Variants in OR51B5 observed in about 807,000 individuals in gnomAD.
OR51B5 encodes the protein olfactory receptor family 51 subfamily B member 5.
For synonymous variants in OR51B5, 186 were observed against 144.8 expected, an observed-to-expected ratio of 1.28 and a Z score of -2.04; for missense variants, 456 against 374.6, an observed-to-expected ratio of 1.22 and a Z score of -1.79.
chr11:5,359,416 C>T (rs1340453622), intron 1 of OR51B5, among the ~76,000 whole-genome samples: 1 of 130,366 alleles, frequency 7.7e-6, no homozygotes, highest in South Asian at 2.5e-4. Context: ...GAATAAAATA[C>T]CTAGGAATCC....
At chr11:5,479,369 C>A (rs903446078) in intron 1 of OR51B5, among the ~76,000 whole-genome samples, 1 of 151,454 alleles carries the variant, frequency 6.6e-6, no homozygotes, top group Non-Finnish European at 1.5e-5. Context: ...AAGCACTAAA[C>A]ATGGAAAGGA....
At chr11:5,363,745 G>A (rs1308449481) in intron 1 of OR51B5, among the ~76,000 whole-genome samples, 5 of 152,122 alleles carry the variant, frequency 3.3e-5, no homozygotes, top group South Asian at 2.1e-4. Flanking sequence ...ATTGGAAAGC[G>A]GGAAAGTAGC....
intron 1 of OR51B5, among the ~76,000 whole-genome samples, chr11:5,352,906 T>C (rs1405514404): frequency 1.3e-5 from 2 of 148,294 alleles, no homozygotes; most frequent in Admixed American, 6.8e-5. Context: ...ATAATATATA[T>C]ATATGAACCA....
chr11:5,369,893 T>C (rs1400944519), intron 1 of OR51B5, among the ~76,000 whole-genome samples: 1 of 152,288 alleles, frequency 6.6e-6, no homozygotes, highest in East Asian at 1.9e-4. Context: ...GATGACCTCA[T>C]TGGTTTTGCT....
chr11:5,482,191 A>T (rs1307515661), intron 1 of OR51B5, among the ~76,000 whole-genome samples: 2 of 101,282 alleles, frequency 2.0e-5, no homozygotes, highest in Non-Finnish European at 3.8e-5. Flanking sequence ...GAGCCCTCAG[A>T]AATAATGCCG....
intron 1 of OR51B5, among the ~76,000 whole-genome samples, chr11:5,491,868 C>T (rs1055275812): frequency 3.3e-5 from 5 of 152,160 alleles, no homozygotes; most frequent in Non-Finnish European, 7.4e-5. Context: ...ATGTCACCAG[C>T]CCTAGAGCAT....
intron 1 of OR51B5, chr11:5,362,977 A>AAG (rs1315447766): frequency 6.5e-6 from 1 of 154,882 alleles, no homozygotes; most frequent in Non-Finnish European, 1.4e-5. Context: ...TTAAAAAAAA[A>AAG]AAAGAAATAA....
chr11:5,477,656 CACCGTGCGCGA>C, intron 1 of OR51B5, among the ~76,000 whole-genome samples: 1 of 152,174 alleles, frequency 6.6e-6, no homozygotes, highest in Middle Eastern at 3.4e-3. Context: ...TGGGTGCGCG[CACCGTGCGCGA>C]GCCGAAGCAG....
At chr11:5,451,308 C>G (rs1384642180) in intron 1 of OR51B5, among the ~76,000 whole-genome samples, 1 of 152,224 alleles carries the variant, frequency 6.6e-6, no homozygotes, top group Admixed American at 6.5e-5. Context: ...CAAAATCCTG[C>G]TTTCAGCCTG....
rs1409457461 is a variant in OR51B5, at chr11:5,413,564, T to G, written n.85-66654A>C. Among the ~76,000 whole-genome samples, 2 of 151,956 alleles carry G rather than the reference T, an allele frequency of 1.3e-5. 1 individual carries two copies. The highest frequency in any genetic ancestry group is 2.9e-5 in the Non-Finnish European group (2 of 67,960). On this transcript the variant is annotated intron_variant and non_coding_transcript_variant, in intron 1 of 4. Coordinates refer to the OR51B5 transcript ENST00000415970. ...AATTTAGATGAATGTATAACTAGAATAACCAATACAGAGAAGTGCTTAAAG... is the reference window on the plus strand; with the variant it reads ...AATTTAGATGAATGTATAACTAGAAGAACCAATACAGAGAAGTGCTTAAAG...
chr11:5,501,365 G>T (rs893382969), intron 1 of OR51B5, among the ~76,000 whole-genome samples: 2 of 148,030 alleles, frequency 1.4e-5, no homozygotes, highest in African/African-American at 4.9e-5. Flanking sequence ...TGTGGCTTAC[G>T]ATAGTCTTAA....
rs549847849 is a variant in OR51B5, at chr11:5,453,532, C to G, written n.84+52037G>C. ...ACTCACCCTGCATTCTTCCTCCTGA[C>G]TGGTATCCCTGGTCTGGAGAGCTCT... On this transcript the variant is annotated intron_variant and non_coding_transcript_variant, in intron 1 of 4. Transcript: ENST00000415970. 2 of 1,592,476 alleles carry G rather than the reference C, an allele frequency of 1.3e-6. No homozygotes were observed. The highest frequency in any genetic ancestry group is 1.7e-6 in the Non-Finnish European group (2 of 1,171,192).
intron 1 of OR51B5, among the ~76,000 whole-genome samples, chr11:5,458,472 G>T (rs1480529059): frequency 6.6e-6 from 1 of 152,228 alleles, no homozygotes; most frequent in Non-Finnish European, 1.5e-5. Flanking sequence ...ATGAATTTTA[G>T]AATAGTTTCC....
chr11:5,440,768 T>C (rs773784844), intron 1 of OR51B5: 2 of 1,613,864 alleles, frequency 1.2e-6, no homozygotes, highest in East Asian at 4.5e-5. Context: ...AGGCCAGCAC[T>C]GCACAGATGT....
intron 1 of OR51B5, chr11:5,422,768 G>T: frequency 6.2e-7 from 1 of 1,614,094 alleles, no homozygotes; most frequent in Non-Finnish European, 8.5e-7. Flanking sequence ...GATCCGCCTG[G>T]TCTGTGCTGA....
chr11:5,387,530 C>G (rs957347995), intron 1 of OR51B5, among the ~76,000 whole-genome samples: 1 of 152,188 alleles, frequency 6.6e-6, no homozygotes, highest in African/African-American at 2.4e-5. Context: ...TCGAAGCTCA[C>G]AAGTATAATA....
At chr11:5,385,244 C>T (rs923193515) in intron 1 of OR51B5, 1 of 152,230 alleles carries the variant, frequency 6.6e-6, no homozygotes, top group Non-Finnish European at 1.5e-5. Context: ...GCTCTCCTAT[C>T]ATGGATAATT....
At chr11:5,390,012 C>A in intron 1 of OR51B5, 2 of 1,613,412 alleles carry the variant, frequency 1.2e-6, no homozygotes, top group Non-Finnish European at 1.7e-6. Flanking sequence ...ACAGATATCA[C>A]CTTCAATAAT....
At chr11:5,497,720 A>G (rs1348686639) in intron 1 of OR51B5, among the ~76,000 whole-genome samples, 1 of 152,158 alleles carries the variant, frequency 6.6e-6, no homozygotes, top group Non-Finnish European at 1.5e-5. Context: ...ACAGGTGGCT[A>G]AACTCCTATT....
Sources: gnomAD v4.1 joint callset for allele counts (sites outside exome capture counted in the v4.1 genomes callset) on GRCh38, gnomAD v4.1.1 for gene constraint, MANE v1.5 for transcripts, NCBI Gene and HGNC (gene_info 2026-07-23, HGNC 2026-07-21) for gene names.